The following IKBKE variants were observed in gnomAD, a reference collection of about 807,000 sequenced individuals.
IKBKE encodes the protein inhibitor of nuclear factor kappa B kinase subunit epsilon.
A neutral mutation model predicts 92.1 loss-of-function variants in IKBKE; 45 were observed. The observed-to-expected ratio is 0.49, with a 90% CI of 0.38 to 0.63. The LOEUF (loss-of-function observed/expected upper bound fraction) is 0.63, where lower values mean the gene tolerates loss of function less well. Among genes scored for constraint, IKBKE ranks in the 20% least tolerant of loss-of-function variants. The pLI is 0.00. For synonymous variants in IKBKE, 374 were observed against 380.3 expected, an observed-to-expected ratio of 0.98 and a Z score of 0.19; for missense variants, 700 against 932.8, an observed-to-expected ratio of 0.75 and a Z score of 3.25.
chr1:206,475,117 A>G, intron 5 of IKBKE, 123 bp downstream of exon 5: 1 of 1,072,962 alleles, frequency 9.3e-7, no homozygotes. Context: ...CTTAAAAATT[A>G]AACCTAAAAA....
rs781888555 is a variant in IKBKE at position 206,476,226 on chromosome 1, A to C, written c.404A>C (p.Asp135Ala). 1 of 1,614,034 alleles carries C rather than the reference A, an allele frequency of 6.2e-7. No individual in the cohort carries two copies. Among genetic ancestry groups the C allele is most frequent in the East Asian group, 2.2e-5 (1 of 44,894 alleles). ...CGGGAGAACGGCATTGTGCATCGCGACATCAAGCCGGGGAACATCATGCGC... is the reference window on the plus strand; with the variant it reads ...CGGGAGAACGGCATTGTGCATCGCGCCATCAAGCCGGGGAACATCATGCGC... ...HLRENGIVHR[D>A]IKPGNIMRLV... The change falls in exon 6 of 22, where the codon GAC becomes GCC. Residue 135 changes from aspartate to alanine, a missense_variant. Transcript: ENST00000581977. This position sits in a 1 kb window ranked among gnomAD's most constrained non-coding sequence, Gnocchi z 5.1.
At chr1:206,496,014 G>T in intron 21 of IKBKE, 98 bp from the exon 22 acceptor site, 1 of 882,812 alleles carries the variant, frequency 1.1e-6, no homozygotes. Flanking sequence ...GACTTGAATG[G>T]CTCAGTGTTC....
intron 20 of IKBKE, among the ~76,000 whole-genome samples, chr1:206,493,579 A>G (rs1553391310): frequency 1.3e-5 from 2 of 152,238 alleles, no homozygotes; most frequent in African/African-American, 4.8e-5. Context: ...ACTTGAGGCC[A>G]GAAGTTGGAG....
chr1:206,476,537 G>T lies in IKBKE; in HGVS notation c.541-141G>T, dbSNP rs1160449078. ...CTGTTCTCTAAGATGGAAAAGGTGAGGCTGACACCCATTTTTAAGATGACA... is the reference window on the plus strand; with the variant it reads ...CTGTTCTCTAAGATGGAAAAGGTGATGCTGACACCCATTTTTAAGATGACA... On this transcript the variant is annotated intron_variant, in intron 6 of 21. Transcript: ENST00000581977. The surrounding 1 kb of genome is among the most constrained non-coding windows in gnomAD (Gnocchi z 5.1). The T allele has an allele frequency of 2.6e-6, 3 of 1,164,564 alleles. No homozygotes were observed. Among genetic ancestry groups the T allele is most frequent in the East Asian group, 2.5e-5 (1 of 39,930 alleles). The allele number at this position is 1,164,564 out of a possible 1,614,324, so 72.1% of individuals were successfully genotyped here.
At chr1:206,472,580 C>T (rs1235659903) in intron 2 of IKBKE, among the ~76,000 whole-genome samples, 2 of 129,762 alleles carry the variant, frequency 1.5e-5, no homozygotes, top group Non-Finnish European at 3.4e-5. Context: ...TACACACACA[C>T]ACACTCTCAC....
chr1:206,490,220 G>C lies in IKBKE; in HGVS notation c.1694-599G>C, dbSNP rs1182539878. Among the ~76,000 whole-genome samples the C allele has an allele frequency of 6.6e-6, 1 of 152,178 alleles. No individual in the cohort carries two copies. Among genetic ancestry groups the C allele is most frequent in the Non-Finnish European group, 1.5e-5 (1 of 68,030 alleles). ...ACCGCCATCATCATTTCATCTTGGG[G>C]CTGCCGCCACCCTGGAGGCCCATTC... On this transcript the variant is annotated intron_variant, in intron 16 of 21. Transcript: ENST00000581977. The surrounding 1 kb of genome is among the most constrained non-coding windows in gnomAD (Gnocchi z 5.2).
chr1:206,473,960 CAAAA>C (rs58205740), intron 3 of IKBKE, among the ~76,000 whole-genome samples: 2 of 62,232 alleles, frequency 3.2e-5, no homozygotes, highest in African/African-American at 6.8e-5. Flanking sequence ...GGCTCCGTCT[CAAAA>C]AAAAAAAAAA....
At chr1:206,483,400 T>C (rs939558101) in intron 13 of IKBKE, among the ~76,000 whole-genome samples, 2 of 152,192 alleles carry the variant, frequency 1.3e-5, no homozygotes, top group African/African-American at 4.8e-5. Flanking sequence ...TAAAATCCAT[T>C]TGTGCACTCA....
chr1:206,483,796 G>A (rs1665516382), intron 13 of IKBKE, among the ~76,000 whole-genome samples: 1 of 152,178 alleles, frequency 6.6e-6, no homozygotes, highest in South Asian at 2.1e-4. Flanking sequence ...AAATGATAGT[G>A]TATTTGCTGT....
At chr1:206,475,076 C>G in intron 5 of IKBKE, 82 bp downstream of exon 5, 2 of 1,403,020 alleles carry the variant, frequency 1.4e-6, no homozygotes, top group Non-Finnish European at 2.0e-6. Flanking sequence ...AGGTGTCTGA[C>G]TCCTGCTAAT....
At position 206,480,024 on chromosome 1, in the gene IKBKE, C is replaced by A. The variant is rs782083272; in HGVS notation, c.1251C>A (p.Gly417=). The change falls in exon 12 of 22, where the codon GGC becomes GGA. Residue 417 remains glycine, a splice_region_variant and synonymous_variant. Coordinates refer to ENST00000581977, the MANE Select transcript of IKBKE (RefSeq NM_014002.4). ...CCCTGTGCATCTCTGTGTTTCAGGG[C>A]GTGTTGGGCGCCGGCTACCAGGCCC... ...DLQADYNTAK[G]VLGAGYQALR... is the part of the protein sequence containing the mutation. 3.1e-6 allele frequency: 5 copies of A among 1,609,090 alleles called. No individual in the cohort carries two copies. Among genetic ancestry groups the A allele is most frequent in the East Asian group, 2.2e-5 (1 of 44,716 alleles).
In IKBKE at chr1:206,480,466, T is replaced by G; in HGVS notation, c.1360T>G (p.Cys454Gly). The change falls in exon 13 of 22, where the codon TGC (cysteine) becomes GGC (glycine). Residue 454 changes from cysteine (C) to glycine (G), a missense_variant. Cys to Gly is a radical substitution (Grantham distance 159, BLOSUM62 -3). Transcript: ENST00000581977. ...GGACAGGGAGGTGCTCCAGGCCACA[T>G]GCAGACGGACTCTGGAAGTGGCAAG... ...HWVMEVLQAT[C>G]RRTLEVARTS... 4 of 1,613,784 alleles carry G rather than the reference T, an allele frequency of 2.5e-6. No individual in the cohort carries two copies. Among genetic ancestry groups the G allele is most frequent in the Non-Finnish European group, 3.4e-6 (4 of 1,179,848 alleles).
Position 206,478,835 on chromosome 1 carries a change from C to T in IKBKE, c.993-108C>T. Reference sequence around the variant, plus strand: ...CACCCCCGTCCCTCCCTCTGCAAAACAGAGCCCTGTCTATGGGCAACGCTT... The same window carrying T: ...CACCCCCGTCCCTCCCTCTGCAAAATAGAGCCCTGTCTATGGGCAACGCTT... On this transcript the variant is annotated intron_variant, in intron 9 of 21. Coordinates refer to ENST00000581977, the MANE Select transcript of IKBKE (RefSeq NM_014002.4). The surrounding 1 kb of genome is among the most constrained non-coding windows in gnomAD (Gnocchi z 4.8). 4.6e-6 allele frequency: 4 copies of T among 869,736 alleles called. No individual in the cohort carries two copies. Among genetic ancestry groups the T allele is most frequent in the Non-Finnish European group, 7.8e-6 (4 of 515,458 alleles). 53.9% of individuals were successfully genotyped at this position (869,736 alleles called of 1,614,324 possible).
intron 16 of IKBKE, among the ~76,000 whole-genome samples, chr1:206,488,983 G>A (rs1263965637): frequency 2.0e-5 from 3 of 151,760 alleles, no homozygotes; most frequent in East Asian, 1.9e-4. Context: ...AAAATCCCAC[G>A]TGTATATATA....
intron 16 of IKBKE, among the ~76,000 whole-genome samples, chr1:206,489,088 G>A (rs976971099): frequency 3.3e-5 from 5 of 151,668 alleles, no homozygotes. Context: ...CACCCAGGCA[G>A]GAGTACAATG....
Position 206,480,178 on chromosome 1 carries a change from G to A in IKBKE, c.1340+65G>A, listed in dbSNP as rs550064791. 2.1e-5 allele frequency: 18 copies of A among 865,182 alleles called. No individual in the cohort carries two copies. The East Asian group carries it at 6.5e-4, about 31-fold the overall frequency. 53.6% of individuals were successfully genotyped at this position (865,182 alleles called of 1,614,324 possible). ...GCAGGAGAGGGAGGCGGACAGGAGG[G>A]GGAGTGGGCAGGAAGGGGAGATGGG... On this transcript the variant is annotated intron_variant, in intron 12 of 21. Transcript: ENST00000581977.
At position 206,478,429 on chromosome 1, in the gene IKBKE, T is replaced by C. The variant is rs1665190586; in HGVS notation, c.992+90T>C. ...AAGCAGCATCTCCCACAGTACGTTC[T>C]GAGGAGTGTGTACATAGGAACGCTT... On this transcript the variant is annotated intron_variant, in intron 9 of 21. Transcript: ENST00000581977. This position sits in a 1 kb window ranked among gnomAD's most constrained non-coding sequence, Gnocchi z 4.8. The C allele has an allele frequency of 3.8e-6, 5 of 1,310,714 alleles. No homozygotes were observed. The African/African-American group carries it at 4.3e-5, about 11-fold the overall frequency. 81.2% of individuals were successfully genotyped at this position (1,310,714 alleles called of 1,614,324 possible).
At chr1:206,484,368 A>G (rs1665547860) in intron 13 of IKBKE, among the ~76,000 whole-genome samples, 1 of 152,160 alleles carries the variant, frequency 6.6e-6, no homozygotes, top group Non-Finnish European at 1.5e-5. Context: ...GATGCCGGGT[A>G]TTGTATGTTG....
chr1:206,490,703 C>A lies in IKBKE; in HGVS notation c.1694-116C>A. 1.9e-6 allele frequency: 2 copies of A among 1,055,742 alleles called. No individual in the cohort carries two copies. Among genetic ancestry groups the A allele is most frequent in the Non-Finnish European group, 2.9e-6 (2 of 681,760 alleles). The allele number at this position is 1,055,742 out of a possible 1,614,324, so 65.4% of individuals were successfully genotyped here. A position where few individuals can be genotyped will look rare whatever the true frequency, so the allele number is the denominator to read the frequency against. ...TCCTGCTCCGCTGGGCGGTGAGTTCCCGTGAAGCAGCACAGGCTGGGCCGT... is the reference window on the plus strand; with the variant it reads ...TCCTGCTCCGCTGGGCGGTGAGTTCACGTGAAGCAGCACAGGCTGGGCCGT... On this transcript the variant is annotated intron_variant, in intron 16 of 21. Coordinates refer to ENST00000581977, the MANE Select transcript of IKBKE (RefSeq NM_014002.4). The surrounding 1 kb of genome is among the most constrained non-coding windows in gnomAD (Gnocchi z 5.2).
Sources: gnomAD v4.1 joint callset for allele counts (sites outside exome capture counted in the v4.1 genomes callset) on GRCh38, gnomAD v4.1.1 for gene constraint, Gnocchi (gnomAD v3.1) non-coding constraint, MANE v1.5 for transcripts, NCBI Gene and HGNC (gene_info 2026-07-23, HGNC 2026-07-21) for gene names.